The following RALYL variants were observed in gnomAD, a reference collection of about 807,000 sequenced individuals.
RALYL encodes the protein RNA-binding Raly-like protein.
Under a neutral mutation model 35.1 loss-of-function variants are expected in RALYL, and 29 were observed. The ratio of observed to expected loss-of-function variants is 0.83; its 90% CI spans 0.61 to 1.13. The LOEUF (loss-of-function observed/expected upper bound fraction) is 1.13, where lower values mean the gene tolerates loss of function less well. RALYL is among the 50% of genes most tolerant of loss of function. RALYL has a pLI of 0.00. For missense variants in RALYL, 359 were observed against 360.4 expected, an observed-to-expected ratio of 1.00 and a Z score of 0.03; for synonymous variants, 120 against 127.6, an observed-to-expected ratio of 0.94 and a Z score of 0.40.
At chr8:84,634,596 A>T (rs1015092981) in intron 2 of RALYL, among the ~76,000 whole-genome samples, 8 of 151,852 alleles carry the variant, frequency 5.3e-5, no homozygotes, top group Non-Finnish European at 1.2e-4. Flanking sequence ...ATAAGGGCTT[A>T]GCAGCCCTTA....
At chr8:84,214,703 T>C (rs1475118190) in intron 1 of RALYL, among the ~76,000 whole-genome samples, 1 of 152,122 alleles carries the variant, frequency 6.6e-6, no homozygotes, top group African/African-American at 2.4e-5. Flanking sequence ...GTGTAGTCTA[T>C]TCACTATATC....
At chr8:84,476,589 T>C (rs915018306) in intron 1 of RALYL, among the ~76,000 whole-genome samples, 3 of 152,202 alleles carry the variant, frequency 2.0e-5, no homozygotes, top group Non-Finnish European at 4.4e-5. Context: ...TGAAGGTTCT[T>C]GTCTCATATT....
chr8:84,225,361 A>G (rs78528285), intron 1 of RALYL, among the ~76,000 whole-genome samples: 1,566 of 152,280 alleles, frequency 0.01, 12 homozygotes, highest in Middle Eastern at 0.017. Context: ...CCAAAACGCA[A>G]ATCAGATCAT....
At chr8:84,889,975 T>C (rs1843544218) in intron 8 of RALYL, among the ~76,000 whole-genome samples, 1 of 152,210 alleles carries the variant, frequency 6.6e-6, no homozygotes, top group African/African-American at 2.4e-5. Flanking sequence ...ACTGGTTTTC[T>C]TGCTTCAACT....
rs189910114 is a variant in RALYL, at chr8:84,917,803, G to A, written c.859-3091G>A. 5.9e-5 allele frequency among the ~76,000 whole-genome samples: 9 copies of A among 151,954 alleles called. No individual in the cohort carries two copies. In the East Asian group the frequency reaches 7.7e-4, roughly 13 times the overall value. On this transcript the variant is annotated intron_variant, in intron 8 of 8. Transcript: ENST00000521268. ...GATTATTTGAGCCTAAAAATGTAAC[G>A]TAATTTGGTTCCTAAGAGTTTATTA...
chr8:84,190,238 T>C (rs1327554211), intron 1 of RALYL, among the ~76,000 whole-genome samples: 1 of 152,202 alleles, frequency 6.6e-6, no homozygotes, highest in Admixed American at 6.5e-5. Context: ...ACCATCAACA[T>C]CATAACACCT....
intron 2 of RALYL, among the ~76,000 whole-genome samples, chr8:84,636,557 C>T (rs774011749): frequency 3.3e-5 from 5 of 151,812 alleles, no homozygotes; most frequent in Admixed American, 6.6e-5. Flanking sequence ...ACTGTGTCCT[C>T]CATCTAGCTG....
At chr8:84,449,323 A>G (rs889753758) in intron 1 of RALYL, among the ~76,000 whole-genome samples, 1 of 151,988 alleles carries the variant, frequency 6.6e-6, no homozygotes, top group Non-Finnish European at 1.5e-5. Flanking sequence ...CCACTACAGC[A>G]GGAAGAGCAG....
At chr8:84,189,674 G>GTT (rs200191174) in intron 1 of RALYL, among the ~76,000 whole-genome samples, 30 of 139,002 alleles carry the variant, frequency 2.2e-4, no homozygotes, top group East Asian at 2.1e-3. Context: ...GACGACTCAT[G>GTT]TTTTTTTTTT....
intron 2 of RALYL, among the ~76,000 whole-genome samples, chr8:84,688,220 T>C (rs975501414): frequency 1.3e-5 from 2 of 151,998 alleles, no homozygotes; most frequent in African/African-American, 4.8e-5. Context: ...TTCATCAGTA[T>C]AGAATTTATT....
intron 1 of RALYL, among the ~76,000 whole-genome samples, chr8:84,504,263 C>A (rs532671634): frequency 1.7e-4 from 26 of 152,118 alleles, no homozygotes; most frequent in African/African-American, 5.5e-4. Flanking sequence ...AAGGAAATAA[C>A]AATGACCTAT....
intron 6 of RALYL, among the ~76,000 whole-genome samples, chr8:84,867,300 CT>C (rs769354983): frequency 6.6e-6 from 1 of 152,138 alleles, no homozygotes; most frequent in African/African-American, 2.4e-5. Context: ...TTACACTTTT[CT>C]GCTTCATGTT....
In RALYL at chr8:84,399,454, A is replaced by G. The variant is rs77686153; in HGVS notation, c.-23-129845A>G. On this transcript the variant is annotated intron_variant, in intron 1 of 8. Transcript: ENST00000521268. ...TTATGAAGTTGCCTAGTATAATGCAATATGAAATGGTGGATACTGTAACAA... is the reference window on the plus strand; with the variant it reads ...TTATGAAGTTGCCTAGTATAATGCAGTATGAAATGGTGGATACTGTAACAA... 0.018 allele frequency among the ~76,000 whole-genome samples: 2,679 copies of G among 152,286 alleles called. 262 individuals carry two copies. The East Asian group carries it at 0.31, about 17-fold the overall frequency.
chr8:84,495,460 T>A (rs13278756), intron 1 of RALYL, among the ~76,000 whole-genome samples: 62,886 of 151,818 alleles, frequency 0.41, 13,133 homozygotes, highest in South Asian at 0.52. Context: ...CTGTTTTAAT[T>A]GTATTTCTCA....
chr8:84,876,024 T>C (rs1332477515), intron 7 of RALYL, among the ~76,000 whole-genome samples: 1 of 152,130 alleles, frequency 6.6e-6, no homozygotes, highest in Non-Finnish European at 1.5e-5. Flanking sequence ...TCAAGTTCCA[T>C]AGTATCTTTT....
At chr8:84,253,175 A>ATT (rs1195738891) in intron 1 of RALYL, among the ~76,000 whole-genome samples, 4 of 93,908 alleles carry the variant, frequency 4.3e-5, no homozygotes, top group Admixed American at 1.2e-4. Context: ...GTAGTTCTGC[A>ATT]GTTTTTTTTT....
rs2044227355 is a variant in RALYL at position 84,412,757 on chromosome 8, A to G, written c.-23-116542A>G. On this transcript the variant is annotated intron_variant, in intron 1 of 8. Coordinates refer to ENST00000521268, the MANE Select transcript of RALYL (RefSeq NM_173848.7). ...AGAGGAAATAGATTTAGATATGCAGAAAGAGCTTTGTCATTAAGGACCCAG... is the reference window on the plus strand; with the variant it reads ...AGAGGAAATAGATTTAGATATGCAGGAAGAGCTTTGTCATTAAGGACCCAG... Among the ~76,000 whole-genome samples the G allele has an allele frequency of 3.9e-5, 6 of 152,168 alleles. No individual in the cohort carries two copies. In the South Asian group the frequency reaches 1.2e-3, roughly 31 times the overall value.
At chr8:84,434,868 T>G (rs2047530364) in intron 1 of RALYL, among the ~76,000 whole-genome samples, 1 of 152,190 alleles carries the variant, frequency 6.6e-6, no homozygotes, top group Admixed American at 6.5e-5. Context: ...CCAGACTGAA[T>G]AATATGCTTG....
intron 4 of RALYL, among the ~76,000 whole-genome samples, chr8:84,822,566 A>G (rs1828776216): frequency 6.6e-6 from 1 of 152,186 alleles, no homozygotes; most frequent in Non-Finnish European, 1.5e-5. Context: ...AGACAGGGAT[A>G]GTTTCCTACT....
Sources: allele counts gnomAD v4.1 joint callset (sites outside exome capture counted in the v4.1 genomes callset), GRCh38; gene constraint gnomAD v4.1.1; transcripts MANE v1.5; gene names NCBI Gene and HGNC (gene_info 2026-07-23, HGNC 2026-07-21).